The following LRBA variants were observed in gnomAD, a reference collection of about 807,000 sequenced individuals.
LRBA encodes lipopolysaccharide-responsive and beige-like anchor protein.
LRBA carries 176 observed loss-of-function variants against 330.0 expected under a neutral mutation model. The ratio of observed to expected loss-of-function variants is 0.53; its 90% CI spans 0.47 to 0.60. The LOEUF (loss-of-function observed/expected upper bound fraction) is 0.60. LRBA is among the 20% of genes least tolerant of loss of function. The pLI is 0.00. For missense variants in LRBA, 3,259 were observed against 3,444.8 expected (o/e 0.95, Z 1.35); for synonymous variants, 1,230 against 1,193.0 (o/e 1.03, Z -0.64).
At chr4:150,641,377 C>T (rs556349492) in intron 37 of LRBA, among the ~76,000 whole-genome samples, 1 of 152,188 alleles carries the variant, frequency 6.6e-6, no homozygotes, top group Non-Finnish European at 1.5e-5. Context: ...AAATTCTAGA[C>T]ATTAATTACA....
At chr4:150,648,165 A>AAAAAAAAAAAAAAAAAAAAAAAAAAC (rs1779361955) in intron 37 of LRBA, among the ~76,000 whole-genome samples, 1 of 142,340 alleles carries the variant, frequency 7.0e-6, no homozygotes, top group Non-Finnish European at 1.5e-5. Flanking sequence ...TAGCAAAAAA[A>AAAAAAAAAAAAAAAAAAAAAAAAAAC]AAAAAAAAAA....
At chr4:150,840,983 G>C in intron 28 of LRBA, 12 of 1,248,898 alleles carry the variant, frequency 9.6e-6, no homozygotes, top group Non-Finnish European at 1.2e-5. Flanking sequence ...GCAATTCTTT[G>C]ACATATTTGT....
chr4:150,712,473 C>A (rs1163449233), intron 36 of LRBA, among the ~76,000 whole-genome samples: 1 of 151,914 alleles, frequency 6.6e-6, no homozygotes, highest in Non-Finnish European at 1.5e-5. Context: ...AATAAAAAAC[C>A]CTTTAGCTGT....
At chr4:150,596,375 C>T (rs886923544) in intron 38 of LRBA, among the ~76,000 whole-genome samples, 19 of 151,738 alleles carry the variant, frequency 1.3e-4, no homozygotes, top group Admixed American at 2.6e-4. Flanking sequence ...TACTAAAATA[C>T]GTAACTGATC....
rs751825912 is a variant in LRBA at position 150,915,714 on chromosome 4, G to C, written c.908C>G (p.Thr303Ser). 1.2e-6 allele frequency: 2 copies of C among 1,607,450 alleles called. No homozygotes were observed. The highest frequency in any genetic ancestry group is 8.5e-7 in the Non-Finnish European group (1 of 1,177,786). Residue 303 changes from threonine to serine, a missense_variant, in exon 8 of 57, where the codon ACC (threonine) becomes AGC (serine). Transcript: ENST00000651943. ...CCATCGGTTATAGATGTGTACTATG[G>C]TAACCATATACCACTGCAGAAGCAA... ...DFKPQKWYMV[T>S]IVHIYNRWKN...
chr4:150,282,811 T>C (rs900210066), intron 54 of LRBA, among the ~76,000 whole-genome samples, 165 bp from the exon 55 acceptor site: 2 of 152,214 alleles, frequency 1.3e-5, no homozygotes, highest in African/African-American at 4.8e-5. Flanking sequence ...AAATCTCCTC[T>C]TCATGTTTGC....
intron 37 of LRBA, among the ~76,000 whole-genome samples, chr4:150,642,914 G>T (rs1778814190): frequency 6.6e-6 from 1 of 151,834 alleles, no homozygotes; most frequent in South Asian, 2.1e-4. Flanking sequence ...ATAGAAAAAT[G>T]TAATGTTATA....
chr4:151,013,257 T>C (rs2149679790), intron 2 of LRBA: 1 of 152,366 alleles, frequency 6.6e-6, no homozygotes, highest in East Asian at 1.9e-4. Flanking sequence ...TGTTATCCTC[T>C]AACACAGGTG....
At chr4:150,953,412 C>T (rs1331477968) in intron 2 of LRBA, among the ~76,000 whole-genome samples, 7 of 145,284 alleles carry the variant, frequency 4.8e-5, no homozygotes, top group Admixed American at 1.4e-4. Flanking sequence ...CCTCTGATGC[C>T]GAGCCAAGGC....
chr4:150,399,924 G>A (rs1252372416), intron 47 of LRBA, among the ~76,000 whole-genome samples: 1 of 152,074 alleles, frequency 6.6e-6, no homozygotes, highest in Non-Finnish European at 1.5e-5. Flanking sequence ...TTCAGTGGGC[G>A]GAGATCGCAC....
intron 40 of LRBA, among the ~76,000 whole-genome samples, chr4:150,500,013 G>A (rs1760051369): frequency 1.3e-5 from 2 of 152,092 alleles, no homozygotes; most frequent in Non-Finnish European, 2.9e-5. Flanking sequence ...CAAAATTACA[G>A]TTAGACAGTA....
chr4:150,658,509 CCCTCTCCCTCTCCCTCTCCCT>C lies in LRBA; in HGVS notation c.5921+25021_5921+25041del, dbSNP rs1780469666. ...AAAACCTATCAGAAAATAAAAGTCTCCCTCTCCCTCTCCCTCTCCCTCTCCCTCTCCCTCTCCCTCTCCCTC... is the reference window on the plus strand; with the variant it reads ...AAAACCTATCAGAAAATAAAAGTCTCCTCCCTCTCCCTCTCCCTCTCCCTC... On this transcript the variant is annotated intron_variant, in intron 37 of 56. Transcript: ENST00000651943. Among the ~76,000 whole-genome samples the C allele has an allele frequency of 3.2e-5, 2 of 62,656 alleles. 1 individual carries two copies. Among genetic ancestry groups the C allele is most frequent in the African/African-American group, 1.9e-4 (2 of 10,620 alleles). The allele number at this position is 62,656 out of a possible 152,430, so 41.1% of individuals were successfully genotyped here.
At chr4:150,640,410 C>T (rs867916521) in intron 37 of LRBA, among the ~76,000 whole-genome samples, 4 of 152,072 alleles carry the variant, frequency 2.6e-5, no homozygotes, top group Non-Finnish European at 5.9e-5. Context: ...TATGTTCGTA[C>T]TTATGGAACA....
chr4:150,594,310 C>T (rs1298775295), intron 38 of LRBA, among the ~76,000 whole-genome samples: 1 of 151,706 alleles, frequency 6.6e-6, no homozygotes, highest in African/African-American at 2.4e-5. Flanking sequence ...TGCTAAAGAA[C>T]CTTAAAAAAA....
intron 36 of LRBA, among the ~76,000 whole-genome samples, chr4:150,714,045 T>G (rs1337075469): frequency 6.6e-6 from 1 of 152,140 alleles, no homozygotes; most frequent in East Asian, 1.9e-4. Context: ...GATGCAAGTC[T>G]AAGTACCACT....
At chr4:150,849,022 TTATA>T in intron 25 of LRBA, 24 bp from the exon 26 acceptor site, 1 of 1,467,976 alleles carries the variant, frequency 6.8e-7, no homozygotes, top group Non-Finnish European at 9.2e-7. Flanking sequence ...AGTTTGACAT[TTATA>T]TATATATATT....
chr4:150,550,972 T>C (rs898838570), intron 40 of LRBA, among the ~76,000 whole-genome samples: 1 of 152,188 alleles, frequency 6.6e-6, no homozygotes, highest in African/African-American at 2.4e-5. Flanking sequence ...TGTTGGAAAC[T>C]GAATCCCCAT....
At chr4:150,626,505 G>A (rs1185513305) in intron 37 of LRBA, among the ~76,000 whole-genome samples, 1 of 151,784 alleles carries the variant, frequency 6.6e-6, no homozygotes, top group East Asian at 1.9e-4. Flanking sequence ...CATACTCTAG[G>A]GGTACATTTT....
In LRBA at chr4:150,643,563, T is replaced by C. The variant is rs73861672; in HGVS notation, c.5921+39988A>G. ...TGAAGAACATGTGCAGAAGTTCTAA[T>C]ACAGGAGCATGGTATGTTTACTCAA... On this transcript the variant is annotated intron_variant, in intron 37 of 56. Transcript: ENST00000651943. Among the ~76,000 whole-genome samples, 1,075 of 152,048 alleles carry C rather than the reference T, an allele frequency of 7.1e-3. 14 individuals carry two copies. Among genetic ancestry groups the C allele is most frequent in the African/African-American group, 0.024 (1,006 of 41,534 alleles).
Sources: allele counts gnomAD v4.1 joint callset (sites outside exome capture counted in the v4.1 genomes callset), GRCh38; gene constraint gnomAD v4.1.1; transcripts MANE v1.5; gene names NCBI Gene and HGNC (gene_info 2026-07-23, HGNC 2026-07-21).